The following CTF1 variants were observed in gnomAD, a reference collection of about 807,000 sequenced individuals.
CTF1 encodes cardiotrophin 1.
In CTF1, 9 loss-of-function variants were observed where a neutral mutation model predicts 10.9. That is an observed-to-expected ratio of 0.83 (90% CI 0.50 to 1.44). The LOEUF (loss-of-function observed/expected upper bound fraction) is 1.44, where lower values mean the gene tolerates loss of function less well. CTF1 is among the 40% of genes most tolerant of loss of function. The pLI, the probability that CTF1 is intolerant of heterozygous loss-of-function variation, is 0.00. For synonymous variants in CTF1, 133 were observed against 138.8 expected (o/e 0.96, Z 0.29); for missense variants, 259 against 275.3 (o/e 0.94, Z 0.42).
At position 30,902,820 on chromosome 16, in the gene CTF1, G is replaced by A. The variant is rs867785641; in HGVS notation, c.*281G>A. 9.6e-5 allele frequency: 30 copies of A among 311,554 alleles called. No individual in the cohort carries two copies. Among genetic ancestry groups the A allele is most frequent in the African/African-American group, 5.9e-4 (27 of 45,980 alleles). 19.3% of individuals were successfully genotyped at this position (311,554 alleles called of 1,614,324 possible). On this transcript the variant is annotated 3_prime_UTR_variant, in exon 3 of 3. Transcript: ENST00000279804. ...CCCCAGCAGCTGGGACTACAGGCAC[G>A]CGCCACCACAGCCGGCTAATTTTTT...
chr16:30,897,921 C>T (rs2055367926), intron 1 of CTF1, among the ~76,000 whole-genome samples: 1 of 151,916 alleles, frequency 6.6e-6, no homozygotes, highest in South Asian at 2.1e-4. Flanking sequence ...GTGCAGTGGC[C>T]TTGGCTCACT....
chr16:30,900,866 A>G (rs2055394817), intron 2 of CTF1, among the ~76,000 whole-genome samples: 1 of 151,742 alleles, frequency 6.6e-6, no homozygotes, highest in African/African-American at 2.4e-5. Flanking sequence ...AGGGTAAGTC[A>G]CTATAGTCAC....
upstream of CTF1, chr16:30,896,592 T>A: frequency 8.0e-7 from 1 of 1,249,332 alleles, no homozygotes; most frequent in Non-Finnish European, 1.0e-6. Flanking sequence ...TTCCCCTTTC[T>A]CCCCCCTCGA....
intron 1 of CTF1, 33 bp from the exon 2 acceptor site, chr16:30,899,382 G>T: frequency 7.7e-7 from 1 of 1,306,382 alleles, no homozygotes; most frequent in Non-Finnish European, 1.1e-6. Context: ...GCAGGAGGTT[G>T]GCCATCCTCA....
At chr16:30,898,250 C>T (rs572006723) in intron 1 of CTF1, among the ~76,000 whole-genome samples, 13 of 151,882 alleles carry the variant, frequency 8.6e-5, no homozygotes, top group Non-Finnish European at 1.8e-4. Context: ...CAACCTCCTC[C>T]TCCCAGGTTC....
In CTF1 at chr16:30,899,344, G is replaced by C. The variant is rs2055381123; in HGVS notation, c.26-71G>C. 3.2e-6 allele frequency: 3 copies of C among 951,158 alleles called. No homozygotes were observed. In the South Asian group the frequency reaches 3.9e-5, roughly 12 times the overall value. The allele number at this position is 951,158 out of a possible 1,614,324, so 58.9% of individuals were successfully genotyped here. A position where few individuals can be genotyped will look rare whatever the true frequency, so the allele number is the denominator to read the frequency against. ...AGACCCTGATGGGGTCAGGAACAAA[G>C]AGCCAGCGTGGGAGAGGTGATCAAT... On this transcript the variant is annotated intron_variant, in intron 1 of 2. Transcript: ENST00000279804.
upstream of CTF1, chr16:30,896,593 C>G: frequency 8.0e-6 from 10 of 1,251,806 alleles, no homozygotes; most frequent in Non-Finnish European, 1.0e-5. Context: ...TCCCCTTTCT[C>G]CCCCCTCGAA....
At position 30,902,367 on chromosome 16, in the gene CTF1, C is replaced by G. The variant is rs1361806366; in HGVS notation, c.434C>G (p.Ala145Gly). 6 of 1,182,086 alleles carry G rather than the reference C, an allele frequency of 5.1e-6. No individual in the cohort carries two copies. In the African/African-American group the frequency reaches 8.1e-5, roughly 16 times the overall value. The allele number at this position is 1,182,086 out of a possible 1,614,324, so 73.2% of individuals were successfully genotyped here. A position where few individuals can be genotyped will look rare whatever the true frequency, so the allele number is the denominator to read the frequency against. ...GAGGCCTTGCTGGCCGCGCTGGGCGCCGCCAACCGCGGGCCCCGGGCCGAG... is the reference window on the plus strand; with the variant it reads ...GAGGCCTTGCTGGCCGCGCTGGGCGGCGCCAACCGCGGGCCCCGGGCCGAG... Reference protein sequence around the residue: ...AVEALLAALGAANRGPRAEPP... With the variant: ...AVEALLAALGGANRGPRAEPP... The change falls in exon 3 of 3, where the codon GCC becomes GGC. Residue 145 changes from alanine (A) to glycine (G), a missense_variant. Physicochemically the swap from Ala to Gly is moderately conservative, Grantham distance 60. Coordinates refer to ENST00000279804, the MANE Select transcript of CTF1 (RefSeq NM_001330.5).
intron 1 of CTF1, among the ~76,000 whole-genome samples, chr16:30,898,992 G>A (rs745739384): frequency 3.3e-5 from 5 of 152,172 alleles, no homozygotes; most frequent in Non-Finnish European, 7.3e-5. Flanking sequence ...ATACCACTGT[G>A]TTCCAGTTGC....
chr16:30,896,784 CG>C, intron 1 of CTF1, 116 bp downstream of exon 1: 1 of 912,844 alleles, frequency 1.1e-6, no homozygotes, highest in Non-Finnish European at 1.5e-6. Context: ...GCGGCCTTGG[CG>C]GGGAAGGGCA....
chr16:30,900,553 C>T lies in CTF1; in HGVS notation c.144+1020C>T, dbSNP rs541640448. 1.4e-4 allele frequency among the ~76,000 whole-genome samples: 21 copies of T among 151,970 alleles called. 1 individual carries two copies. Among genetic ancestry groups the T allele is most frequent in the African/African-American group, 1.9e-4 (8 of 41,366 alleles). On this transcript the variant is annotated intron_variant, in intron 2 of 2. Coordinates refer to ENST00000279804, the MANE Select transcript of CTF1 (RefSeq NM_001330.5). ...CTGAGGCAGGAGGATTGCTTGAGCT[C>T]GGGAGTTCGAGACCAGCCTGGGTAA...
At chr16:30,898,772 T>G (rs1228593575) in intron 1 of CTF1, among the ~76,000 whole-genome samples, 1 of 152,020 alleles carries the variant, frequency 6.6e-6, no homozygotes, top group Non-Finnish European at 1.5e-5. Context: ...GATCCTCTCA[T>G]CTCAGCCTCT....
At position 30,896,639 on chromosome 16, in the gene CTF1, C is replaced by A; in HGVS notation, c.-5C>A. On this transcript the variant is annotated 5_prime_UTR_variant, in exon 1 of 3. Transcript: ENST00000279804. Reference sequence around the variant, plus strand: ...GAAGGGAGCCGGGATCAGCCAGGGGCCAGCATGAGCCGGAGGGAGGGAAGT... The same window carrying A: ...GAAGGGAGCCGGGATCAGCCAGGGGACAGCATGAGCCGGAGGGAGGGAAGT... The A allele has an allele frequency of 8.0e-7, 1 of 1,252,580 alleles. No individual in the cohort carries two copies. Among genetic ancestry groups the A allele is most frequent in the Non-Finnish European group, 1.0e-6 (1 of 990,016 alleles). 77.6% of individuals were successfully genotyped at this position (1,252,580 alleles called of 1,614,324 possible).
At chr16:30,899,889 C>T (rs1326902998) in intron 2 of CTF1, among the ~76,000 whole-genome samples, 1 of 152,128 alleles carries the variant, frequency 6.6e-6, no homozygotes, top group East Asian at 1.9e-4. Context: ...GTAGGTGGGG[C>T]CACAGGCACA....
chr16:30,902,512 C>T lies in CTF1; in HGVS notation c.579C>T (p.Gly193=), dbSNP rs2055413840. The T allele has an allele frequency of 6.7e-7, 1 of 1,494,304 alleles. No homozygotes were observed. Among genetic ancestry groups the T allele is most frequent in the Non-Finnish European group, 8.9e-7 (1 of 1,126,442 alleles). The allele number at this position is 1,494,304 out of a possible 1,614,324, so 92.6% of individuals were successfully genotyped here. A position where few individuals can be genotyped will look rare whatever the true frequency, so the allele number is the denominator to read the frequency against. ...EWLSRTEGDL[G]QLLPGGSA ...TGAGCCGCACCGAGGGCGACCTGGG[C>T]CAGCTGCTGCCCGGGGGCTCGGCCT... is the stretch of plus-strand genomic sequence containing the variant. The change falls in exon 3 of 3, where the codon GGC becomes GGT. Residue 193 remains glycine (G), a synonymous_variant. Coordinates refer to ENST00000279804, the MANE Select transcript of CTF1 (RefSeq NM_001330.5).
intron 2 of CTF1, among the ~76,000 whole-genome samples, chr16:30,899,914 G>C (rs1378751036): frequency 6.6e-6 from 1 of 152,112 alleles, no homozygotes; most frequent in Non-Finnish European, 1.5e-5. Flanking sequence ...ATCATGCCTG[G>C]GTAATTTTTT....
chr16:30,900,377 C>T (rs1429647165), intron 2 of CTF1, among the ~76,000 whole-genome samples: 1 of 152,184 alleles, frequency 6.6e-6, no homozygotes, highest in Non-Finnish European at 1.5e-5. Flanking sequence ...GGCCTGCCAA[C>T]TTGTTAACTG....
At position 30,902,219 on chromosome 16, in the gene CTF1, G is replaced by T; in HGVS notation, c.286G>T (p.Ala96Ser). ...RLRLDAAALA[A>S]LPPLLDAVCR... ...GCGGCTGGACGCGGCGGCGCTGGCCGCGCTGCCCCCGCTGCTGGACGCAGT... is the reference window on the plus strand; with the variant it reads ...GCGGCTGGACGCGGCGGCGCTGGCCTCGCTGCCCCCGCTGCTGGACGCAGT... Residue 96 changes from alanine to serine, a missense_variant, in exon 3 of 3, where the codon GCG becomes TCG. Coordinates refer to ENST00000279804, the MANE Select transcript of CTF1 (RefSeq NM_001330.5). 8.7e-7 allele frequency: 1 copy of T among 1,155,376 alleles called. No individual in the cohort carries two copies. The highest frequency in any genetic ancestry group is 1.1e-6 in the Non-Finnish European group (1 of 941,178). The allele number at this position is 1,155,376 out of a possible 1,614,324, so 71.6% of individuals were successfully genotyped here. A position where few individuals can be genotyped will look rare whatever the true frequency, so the allele number is the denominator to read the frequency against.
chr16:30,899,545 T>TTTG lies in CTF1; in HGVS notation c.144+12_144+13insTTG. On this transcript the variant is annotated intron_variant, in intron 2 of 2. Coordinates refer to ENST00000279804, the MANE Select transcript of CTF1 (RefSeq NM_001330.5). ...TGCTCCAGGAATATGTGAGTGGGAA[T>TTTG]GGGGGTGGGGGTGCCGGGGGCCTGG... is the stretch of plus-strand genomic sequence containing the variant. 1.3e-5 allele frequency: 6 copies of TTTG among 453,024 alleles called. No homozygotes were observed. The highest frequency in any genetic ancestry group is 3.0e-5 in the African/African-American group (1 of 33,096). The allele number at this position is 453,024 out of a possible 1,614,324, so 28.1% of individuals were successfully genotyped here. A position where few individuals can be genotyped will look rare whatever the true frequency, so the allele number is the denominator to read the frequency against.
Sources: gnomAD v4.1 joint callset for allele counts (sites outside exome capture counted in the v4.1 genomes callset) on GRCh38, gnomAD v4.1.1 for gene constraint, MANE v1.5 for transcripts, NCBI Gene and HGNC (gene_info 2026-07-23, HGNC 2026-07-21) for gene names.